OCA2: variants seen among roughly 807,000 people sequenced by gnomAD.
OCA2 encodes the protein P protein.
OCA2 carries 77 observed loss-of-function variants against 100.2 expected under a neutral mutation model. That is an observed-to-expected ratio of 0.77 (90% CI 0.64 to 0.93). The LOEUF (loss-of-function observed/expected upper bound fraction) is 0.93. OCA2 is among the 40% of genes least tolerant of loss of function. The pLI, the probability that OCA2 is intolerant of heterozygous loss-of-function variation, is 0.00. For synonymous variants in OCA2, 432 were observed against 439.2 expected (o/e 0.98, Z 0.21); for missense variants, 1,062 against 1,089.1 (o/e 0.98, Z 0.35).
At chr15:27,722,780 T>TCTCTCTC in the OCA2 span, among the ~76,000 whole-genome samples, 26 of 134,308 alleles carry the variant, frequency 1.9e-4, no homozygotes, top group East Asian at 2.6e-3. Flanking sequence ...TTTTCTTTCT[T>TCTCTCTC]TCTCTCTCTC....
intron 2 of OCA2, among the ~76,000 whole-genome samples, chr15:28,037,056 T>C (rs1003837635): frequency 6.6e-6 from 1 of 151,934 alleles, no homozygotes; most frequent in African/African-American, 2.4e-5. Context: ...GCAGGCTCTT[T>C]CCCAGGCACC....
intron 2 of OCA2, among the ~76,000 whole-genome samples, chr15:28,038,471 G>T (rs2043109222): frequency 6.6e-6 from 1 of 152,140 alleles, no homozygotes; most frequent in African/African-American, 2.4e-5. Flanking sequence ...GCACAGCTTT[G>T]CATAGTGGCC....
intron 22 of OCA2, among the ~76,000 whole-genome samples, chr15:27,845,980 G>A (rs1875973536): frequency 6.6e-6 from 1 of 152,196 alleles, no homozygotes; most frequent in African/African-American, 2.4e-5. Flanking sequence ...AGCACAGACA[G>A]GGTGAGCAGT....
At chr15:27,922,680 GGTGTGTGTGTGT>G (rs60426286) in intron 19 of OCA2, among the ~76,000 whole-genome samples, 41 of 147,206 alleles carry the variant, frequency 2.8e-4, no homozygotes, top group South Asian at 1.3e-3. Flanking sequence ...TTTTGTTTGG[GGTGTGTGTGTGT>G]GTGTGTGTGT....
rs376241892 is a variant in OCA2 at position 28,051,284 on chromosome 15, GGTTTT to G, written c.228-19126_228-19122del. 2.4e-4 allele frequency among the ~76,000 whole-genome samples: 37 copies of G among 152,204 alleles called. 1 individual carries two copies. The highest frequency in any genetic ancestry group is 7.0e-4 in the African/African-American group (29 of 41,542). ...GAAATCTACAGACATTTCCCTTTAT[GGTTTT>G]GTTTTGTTTTGTTTTGTTTTTTGAG... is the stretch of plus-strand genomic sequence containing the variant. On this transcript the variant is annotated intron_variant, in intron 2 of 23. Coordinates refer to ENST00000354638, the MANE Select transcript of OCA2 (RefSeq NM_000275.3).
At chr15:27,874,618 T>C (rs978126196) in intron 19 of OCA2, among the ~76,000 whole-genome samples, 28 of 152,292 alleles carry the variant, frequency 1.8e-4, no homozygotes, top group East Asian at 1.5e-3. Flanking sequence ...TGAGAATTCA[T>C]AGATACTGAA....
intron 14 of OCA2, among the ~76,000 whole-genome samples, chr15:27,971,169 C>T (rs1408807204): frequency 6.6e-6 from 1 of 151,292 alleles, no homozygotes; most frequent in Non-Finnish European, 1.5e-5. Flanking sequence ...CGCCCCAGCA[C>T]GCATGGCATG....
In OCA2 at chr15:27,871,870, A is replaced by C; in HGVS notation, c.2132T>G (p.Leu711Arg). 6.3e-7 allele frequency: 1 copy of C among 1,599,616 alleles called. No homozygotes were observed. Among genetic ancestry groups the C allele is most frequent in the Non-Finnish European group, 8.6e-7 (1 of 1,167,466 alleles). The part of the protein sequence containing the change: ...IEYVGEQTAL[L>R]IKMVPEEQRL... ...TTATAGCATTTATTTTACCTTTATT[A>C]GCAAAGCAGTTTGTTCTCCAACATA... The change falls in exon 20 of 24, where the codon CTA (leucine) becomes CGA (arginine). Residue 711 changes from leucine to arginine, a missense_variant. Coordinates refer to ENST00000354638, the MANE Select transcript of OCA2 (RefSeq NM_000275.3).
At chr15:27,995,345 T>C (rs948413548) in intron 9 of OCA2, among the ~76,000 whole-genome samples, 30 of 152,196 alleles carry the variant, frequency 2.0e-4, no homozygotes, top group African/African-American at 7.0e-4. Flanking sequence ...CTTCAGGATA[T>C]ATCACATATT....
At chr15:28,012,211 G>A (rs951337351) in intron 9 of OCA2, among the ~76,000 whole-genome samples, 1 of 152,202 alleles carries the variant, frequency 6.6e-6, no homozygotes, top group Admixed American at 6.5e-5. Context: ...CATCATTAGA[G>A]AAATTAAGTT....
chr15:28,020,384 C>T (rs1175340159), intron 6 of OCA2, among the ~76,000 whole-genome samples: 1 of 152,242 alleles, frequency 6.6e-6, no homozygotes. Context: ...TGCCAGTGTT[C>T]CCCGAAATCT....
intron 23 of OCA2, among the ~76,000 whole-genome samples, chr15:27,770,906 CCTTCCCT>C (rs2031749185): frequency 2.2e-5 from 3 of 139,334 alleles, no homozygotes; most frequent in Admixed American, 7.2e-5. Flanking sequence ...CCTTTTCCTT[CCTTCCCT>C]CCTCCCTCCC....
intron 9 of OCA2, among the ~76,000 whole-genome samples, chr15:27,992,985 G>A (rs1487219564): frequency 6.6e-6 from 1 of 152,140 alleles, no homozygotes; most frequent in Non-Finnish European, 1.5e-5. Context: ...TTAGCCAGGT[G>A]TGGTGGCACA....
intron 2 of OCA2, among the ~76,000 whole-genome samples, chr15:28,070,030 T>C (rs2044178561): frequency 9.2e-6 from 1 of 108,618 alleles, no homozygotes; most frequent in Non-Finnish European, 1.6e-5. Flanking sequence ...TCGTCTGAGA[T>C]GTGGGGAGCG....
intron 19 of OCA2, among the ~76,000 whole-genome samples, chr15:27,884,958 G>A (rs912268152): frequency 2.1e-5 from 3 of 144,308 alleles, no homozygotes; most frequent in Admixed American, 2.0e-4. Context: ...GAGCACATGA[G>A]GACAACCGTG....
intron 18 of OCA2, among the ~76,000 whole-genome samples, chr15:27,932,384 A>G (rs1045000115): frequency 2.6e-4 from 39 of 151,892 alleles, no homozygotes; most frequent in African/African-American, 9.2e-4. Context: ...AAAGACAAGC[A>G]TGTAATGCGC....
Position 28,078,916 on chromosome 15 carries a change from T to C in OCA2, c.227+2732A>G, listed in dbSNP as rs192714856. On this transcript the variant is annotated intron_variant, in intron 2 of 23. Coordinates refer to ENST00000354638, the MANE Select transcript of OCA2 (RefSeq NM_000275.3). ...AAGAAAATACCGAGTAACCAGTTTG[T>C]GCACAGGTGATGTAACTGACCCAAG... Among the ~76,000 whole-genome samples the C allele has an allele frequency of 3.7e-4, 57 of 152,320 alleles. 2 individuals carry two copies. The East Asian group carries it at 9.4e-3, about 25-fold the overall frequency.
At chr15:27,997,240 G>A (rs374447082) in intron 9 of OCA2, among the ~76,000 whole-genome samples, 316 of 145,544 alleles carry the variant, frequency 2.2e-3, no homozygotes, top group South Asian at 4.0e-3. Context: ...GAAGGAAGGA[G>A]GAAAGAAAGA....
At chr15:28,034,052 G>C (rs546944399) in intron 2 of OCA2, among the ~76,000 whole-genome samples, 7 of 152,282 alleles carry the variant, frequency 4.6e-5, no homozygotes, top group African/African-American at 1.7e-4. Context: ...GTCCCAGCAA[G>C]GTGGGAGGAT....
Sources: allele counts gnomAD v4.1 joint callset (sites outside exome capture counted in the v4.1 genomes callset), GRCh38; gene constraint gnomAD v4.1.1; transcripts MANE v1.5; gene names NCBI Gene and HGNC (gene_info 2026-07-23, HGNC 2026-07-21).